HS6ST3: variants seen among roughly 807,000 people sequenced by gnomAD.
The protein encoded by HS6ST3 is heparan sulfate 6-O-sulfotransferase 3.
A neutral mutation model predicts 36.7 loss-of-function variants in HS6ST3; 12 were observed. That is an observed-to-expected ratio of 0.33 (90% CI 0.21 to 0.53). The LOEUF (loss-of-function observed/expected upper bound fraction) is 0.53. HS6ST3 is among the 20% of genes least tolerant of loss of function. The pLI is 0.95. For synonymous variants in HS6ST3, 240 were observed against 257.5 expected (o/e 0.93, Z 0.65); for missense variants, 584 against 640.9 (o/e 0.91, Z 0.96).
chr13:96,485,328 AT>A (rs142244942), intron 1 of HS6ST3, among the ~76,000 whole-genome samples: 4,369 of 151,206 alleles, frequency 0.029, 214 homozygotes, highest in African/African-American at 0.099. Context: ...ATACCAAAAT[AT>A]TTTTTTTTAG....
chr13:96,458,059 A>G (rs1566366685), intron 1 of HS6ST3, among the ~76,000 whole-genome samples: 1 of 152,164 alleles, frequency 6.6e-6, no homozygotes. Context: ...AACAAAAGAT[A>G]AGACCCAATT....
Position 96,216,563 on chromosome 13 carries a change from A to C in HS6ST3, c.707+124994A>C, listed in dbSNP as rs137983714. 2.0e-4 allele frequency among the ~76,000 whole-genome samples: 30 copies of C among 152,320 alleles called. 1 individual carries two copies. Among genetic ancestry groups the C allele is most frequent in the African/African-American group, 6.5e-4 (27 of 41,572 alleles). On this transcript the variant is annotated intron_variant, in intron 1 of 1. Coordinates refer to ENST00000376705, the MANE Select transcript of HS6ST3 (RefSeq NM_153456.4). ...AAGTAAGAGATACCCATGACTCAAC[A>C]ACTGGATTAGTGCAAGCTGAAGTGT...
intron 1 of HS6ST3, among the ~76,000 whole-genome samples, chr13:96,678,422 C>A (rs564053378): frequency 6.6e-6 from 1 of 152,264 alleles, no homozygotes; most frequent in African/African-American, 2.4e-5. Context: ...TGCCTGTAAT[C>A]TCAGCACTTT....
At chr13:96,365,410 G>A (rs563565949) in intron 1 of HS6ST3, among the ~76,000 whole-genome samples, 3 of 152,182 alleles carry the variant, frequency 2.0e-5, no homozygotes, top group Admixed American at 6.5e-5. Context: ...CACTGGCATT[G>A]TCAGAGCATG....
intron 1 of HS6ST3, among the ~76,000 whole-genome samples, chr13:96,494,509 T>C (rs1001322754): frequency 2.0e-5 from 3 of 151,548 alleles, no homozygotes; most frequent in Admixed American, 6.6e-5. Flanking sequence ...AACCTGCACG[T>C]TGTGCACATG....
At chr13:96,593,174 C>CTTTCTT (rs2056389112) in intron 1 of HS6ST3, among the ~76,000 whole-genome samples, 1 of 46,602 alleles carries the variant, frequency 2.1e-5, no homozygotes, top group Non-Finnish European at 3.5e-5. Context: ...TTCTTTCTTT[C>CTTTCTT]TTTTTTTTTT....
chr13:96,687,655 G>A (rs1874822600), intron 1 of HS6ST3, among the ~76,000 whole-genome samples: 1 of 151,960 alleles, frequency 6.6e-6, no homozygotes, highest in Non-Finnish European at 1.5e-5. Flanking sequence ...ACTATGATCT[G>A]TATGTATCTA....
intron 1 of HS6ST3, among the ~76,000 whole-genome samples, chr13:96,658,485 G>T: frequency 6.6e-6 from 1 of 150,562 alleles, no homozygotes; most frequent in East Asian, 2.0e-4. Context: ...GTTTCACCAT[G>T]TTGGTCAGGA....
At chr13:96,472,478 A>C (rs1049973135) in intron 1 of HS6ST3, among the ~76,000 whole-genome samples, 1 of 152,148 alleles carries the variant, frequency 6.6e-6, no homozygotes, top group African/African-American at 2.4e-5. Flanking sequence ...TTTAAAACTG[A>C]GGTCAAGAAA....
chr13:96,684,246 A>G (rs1249832269), intron 1 of HS6ST3, among the ~76,000 whole-genome samples: 1 of 151,792 alleles, frequency 6.6e-6, no homozygotes, highest in African/African-American at 2.4e-5. Context: ...TTCTTAATGT[A>G]CCTTTTCATT....
chr13:96,145,774 T>C (rs2054055100), intron 1 of HS6ST3, among the ~76,000 whole-genome samples: 1 of 152,228 alleles, frequency 6.6e-6, no homozygotes, highest in South Asian at 2.1e-4. Flanking sequence ...TTCTAGGGTT[T>C]TTATGGTTTT....
At chr13:96,355,843 G>A (rs2055207629) in intron 1 of HS6ST3, among the ~76,000 whole-genome samples, 1 of 152,062 alleles carries the variant, frequency 6.6e-6, no homozygotes, top group Non-Finnish European at 1.5e-5. Context: ...TTTATGCACA[G>A]TAGAACTTCT....
intron 1 of HS6ST3, among the ~76,000 whole-genome samples, chr13:96,173,424 T>C (rs1209735153): frequency 6.6e-6 from 1 of 152,136 alleles, no homozygotes; most frequent in Admixed American, 6.6e-5. Flanking sequence ...AATTGATATG[T>C]CATTGTGTCT....
intron 1 of HS6ST3, among the ~76,000 whole-genome samples, chr13:96,270,914 T>C (rs2054716563): frequency 6.6e-6 from 1 of 151,868 alleles, no homozygotes; most frequent in Non-Finnish European, 1.5e-5. Flanking sequence ...CTCCACCCCT[T>C]CACCTACCAA....
chr13:96,525,485 A>G (rs1456068203), intron 1 of HS6ST3, among the ~76,000 whole-genome samples: 8 of 152,092 alleles, frequency 5.3e-5, no homozygotes, highest in Admixed American at 6.6e-5. Flanking sequence ...GACAGGTTAT[A>G]CTAGCTACTG....
intron 1 of HS6ST3, among the ~76,000 whole-genome samples, chr13:96,736,847 T>G (rs1876296838): frequency 6.6e-6 from 1 of 152,172 alleles, no homozygotes; most frequent in Non-Finnish European, 1.5e-5. Context: ...AAATTTCTTT[T>G]AAACAAACAT....
At chr13:96,573,029 C>A (rs2056306673) in intron 1 of HS6ST3, among the ~76,000 whole-genome samples, 2 of 152,056 alleles carry the variant, frequency 1.3e-5, no homozygotes, top group Non-Finnish European at 1.5e-5. Flanking sequence ...ATAATGAATC[C>A]TCACCCTAAC....
chr13:96,707,593 C>T (rs1566434887), intron 1 of HS6ST3, among the ~76,000 whole-genome samples: 1 of 152,184 alleles, frequency 6.6e-6, no homozygotes, highest in African/African-American at 2.4e-5. Flanking sequence ...CTCCAAGAAC[C>T]TACATGGGAG....
intron 1 of HS6ST3, among the ~76,000 whole-genome samples, chr13:96,236,072 C>T (rs1350479166): frequency 2.0e-5 from 3 of 152,168 alleles, no homozygotes; most frequent in Non-Finnish European, 4.4e-5. Context: ...AAAAGCTGAA[C>T]AACTTGGAGT....
Sources: gnomAD v4.1 joint callset for allele counts (sites outside exome capture counted in the v4.1 genomes callset) on GRCh38, gnomAD v4.1.1 for gene constraint, MANE v1.5 for transcripts, NCBI Gene and HGNC (gene_info 2026-07-23, HGNC 2026-07-21) for gene names.